Variants in RELB observed in about 807,000 individuals in gnomAD.
The protein encoded by RELB is RELB proto-oncogene, NF-kB subunit, also known as transcription factor RelB.
A neutral mutation model predicts 55.4 loss-of-function variants in RELB; 14 were observed. The ratio of observed to expected loss-of-function variants is 0.25; its 90% CI spans 0.17 to 0.40. The LOEUF (loss-of-function observed/expected upper bound fraction) is 0.40, where lower values mean the gene tolerates loss of function less well. Among genes scored for constraint, RELB ranks in the 10% least tolerant of loss-of-function variants. The pLI is 1.00. For missense variants in RELB, 669 were observed against 830.7 expected (o/e 0.81, Z 2.39); for synonymous variants, 409 against 371.3 (o/e 1.10, Z -1.17).
intron 4 of RELB, among the ~76,000 whole-genome samples, chr19:45,018,923 G>A (rs12981350): frequency 0.33 from 49,355 of 151,778 alleles, 10,109 homozygotes; most frequent in Non-Finnish European, 0.46. Context: ...TGATCCACCC[G>A]CCAGATTACA....
chr19:45,032,414 CA>C (rs147163954), intron 8 of RELB, 119 bp from the exon 9 acceptor site: 287,466 of 672,758 alleles, frequency 0.43, 38,671 homozygotes, highest in South Asian at 0.53. Context: ...GCAAGACTCT[CA>C]AAAAAAAAAA....
At chr19:45,022,710 G>A (rs1971505163) in intron 5 of RELB, among the ~76,000 whole-genome samples, 1 of 151,928 alleles carries the variant, frequency 6.6e-6, no homozygotes. Context: ...ACTACACCCA[G>A]CGAATTTTTT....
At chr19:45,025,810 A>G in intron 7 of RELB, 73 bp downstream of exon 7, 2 of 1,586,538 alleles carry the variant, frequency 1.3e-6, no homozygotes, top group South Asian at 2.2e-5. Context: ...TTACAGAGGC[A>G]TGAATGGCTC....
intron 2 of RELB, among the ~76,000 whole-genome samples, chr19:45,007,227 A>C (rs1171960917): frequency 6.6e-5 from 10 of 152,186 alleles, no homozygotes. Flanking sequence ...CACGTGGCCC[A>C]TCCTGGCTGC....
intron 8 of RELB, among the ~76,000 whole-genome samples, chr19:45,031,180 C>G (rs1206113995): frequency 6.6e-6 from 1 of 151,798 alleles, no homozygotes; most frequent in Admixed American, 6.6e-5. Flanking sequence ...TGTGATGTCT[C>G]AACACTTTCA....
At chr19:45,026,092 A>C (rs1013690321) in intron 7 of RELB, among the ~76,000 whole-genome samples, 5 of 152,184 alleles carry the variant, frequency 3.3e-5, no homozygotes, top group African/African-American at 1.2e-4. Flanking sequence ...AAATACAAAA[A>C]TTAGCTGGGC....
chr19:45,022,015 G>A (rs530567066), intron 4 of RELB, 38 bp from the exon 5 acceptor site: 20 of 1,572,966 alleles, frequency 1.3e-5, no homozygotes, highest in East Asian at 6.8e-5. Flanking sequence ...CGCAGGCATC[G>A]GTGATGGGAC....
At chr19:45,020,996 G>A (rs544781411) in intron 4 of RELB, among the ~76,000 whole-genome samples, 10 of 152,212 alleles carry the variant, frequency 6.6e-5, no homozygotes, top group East Asian at 1.9e-4. Flanking sequence ...GCAATGTAGC[G>A]AAACTCCGTC....
intron 4 of RELB, among the ~76,000 whole-genome samples, chr19:45,018,675 T>A (rs906856795): frequency 1.4e-4 from 19 of 136,368 alleles, no homozygotes; most frequent in Non-Finnish European, 2.0e-4. Context: ...TATTTATTTA[T>A]TTTTTTTTAA....
In RELB at chr19:45,011,776, G is replaced by C. The variant is rs1971355261; in HGVS notation, c.164-160G>C. Among the ~76,000 whole-genome samples the C allele has an allele frequency of 1.4e-4, 5 of 36,310 alleles. No homozygotes were observed. The South Asian group carries it at 4.6e-3, about 34-fold the overall frequency. The allele number at this position is 36,310 out of a possible 152,430, so 23.8% of individuals were successfully genotyped here. On this transcript the variant is annotated intron_variant, in intron 3 of 11. Transcript: ENST00000221452. ...TGACTCTGTGTGTGTGTGTGTGTGTGTGTGTGTGTGTGTGTGTGTGTGAGA... is the reference window on the plus strand; with the variant it reads ...TGACTCTGTGTGTGTGTGTGTGTGTCTGTGTGTGTGTGTGTGTGTGTGAGA...
Position 45,037,391 on chromosome 19 carries a change from C to T in RELB, c.1355-14C>T. The T allele has an allele frequency of 6.5e-7, 1 of 1,540,076 alleles. No homozygotes were observed. The highest frequency in any genetic ancestry group is 8.7e-7 in the Non-Finnish European group (1 of 1,152,382). On this transcript the variant is annotated splice_polypyrimidine_tract_variant and intron_variant, in intron 11 of 11. Transcript: ENST00000221452. ...CTAAATCACACTACACTTCTCTTGT[C>T]TTCATCCCCGTAGGCCCGTTCCTCC...
rs765760964 is a variant in RELB, at chr19:45,029,007, G to A, written c.991+15G>A. The A allele has an allele frequency of 6.4e-7, 1 of 1,557,526 alleles. No homozygotes were observed. The highest frequency in any genetic ancestry group is 8.7e-7 in the Non-Finnish European group (1 of 1,148,148). On this transcript the variant is annotated intron_variant, in intron 8 of 11. Coordinates refer to ENST00000221452, the MANE Select transcript of RELB (RefSeq NM_006509.4). ...GGTGCAGAAAGGTGAGGGGCCTGGG[G>A]CAGCAAGCTTGGGCAGAGCGGGGTC...
chr19:45,031,332 C>A (rs535754543), intron 8 of RELB, among the ~76,000 whole-genome samples: 15 of 151,754 alleles, frequency 9.9e-5, no homozygotes, highest in Admixed American at 2.0e-4. Context: ...GCTGTGTTGG[C>A]CAGTCTGGTC....
chr19:45,032,981 G>A (rs1430345515), intron 9 of RELB, among the ~76,000 whole-genome samples: 1 of 152,174 alleles, frequency 6.6e-6, no homozygotes, highest in African/African-American at 2.4e-5. Context: ...CATTTGGAGA[G>A]TATTTAATCT....
intron 5 of RELB, among the ~76,000 whole-genome samples, chr19:45,022,501 C>T (rs1055130717): frequency 4.0e-5 from 6 of 151,824 alleles, no homozygotes; most frequent in Non-Finnish European, 8.8e-5. Context: ...GACTGCAGAC[C>T]TGACTTAACT....
Position 45,015,459 on chromosome 19 carries a change from G to T in RELB, c.504+3183G>T, listed in dbSNP as rs35463825. Among the ~76,000 whole-genome samples, 647 of 152,244 alleles carry T rather than the reference G, an allele frequency of 4.2e-3. 10 individuals are homozygous for T. Among genetic ancestry groups the T allele is most frequent in the African/African-American group, 0.015 (617 of 41,556 alleles). On this transcript the variant is annotated intron_variant, in intron 4 of 11. Transcript: ENST00000221452. ...CTTATTCTAAAGCCTAATGGGCCAG[G>T]CATGGTGGCTCATGCCTGTGATCCC... is the stretch of plus-strand genomic sequence containing the variant.
intron 2 of RELB, among the ~76,000 whole-genome samples, chr19:45,006,254 G>C (rs912473579): frequency 2.0e-5 from 3 of 152,092 alleles, no homozygotes; most frequent in African/African-American, 7.2e-5. Flanking sequence ...GCCTACACTG[G>C]AGTGCGGTGG....
At chr19:45,005,195 G>T (rs1600061201) in intron 2 of RELB, among the ~76,000 whole-genome samples, 1 of 151,904 alleles carries the variant, frequency 6.6e-6, no homozygotes, top group Admixed American at 6.6e-5. Flanking sequence ...AAAAAACCAT[G>T]TCAGGCCCCA....
At chr19:45,008,253 T>C (rs189333039) in intron 2 of RELB, among the ~76,000 whole-genome samples, 13 of 152,268 alleles carry the variant, frequency 8.5e-5, no homozygotes, top group African/African-American at 2.4e-4. Flanking sequence ...ATTATTATTG[T>C]GCCCATTTTA....
Sources: allele counts gnomAD v4.1 joint callset (sites outside exome capture counted in the v4.1 genomes callset), GRCh38; gene constraint gnomAD v4.1.1; transcripts MANE v1.5; gene names NCBI Gene and HGNC (gene_info 2026-07-23, HGNC 2026-07-21).